Variants in BCL7A observed in about 807,000 individuals in gnomAD.
The protein encoded by BCL7A is B-cell CLL/lymphoma 7 protein family member A.
Under a neutral mutation model 28.4 loss-of-function variants are expected in BCL7A, and 11 were observed. The ratio of observed to expected loss-of-function variants is 0.39; its 90% CI spans 0.24 to 0.64. The LOEUF is 0.64. BCL7A is among the 30% of genes least tolerant of loss of function. BCL7A has a pLI of 0.50. For synonymous variants in BCL7A, 123 were observed against 103.3 expected (o/e 1.19, Z -1.15); for missense variants, 222 against 274.8 (o/e 0.81, Z 1.36).
At position 122,060,346 on chromosome 12, in the gene BCL7A, T is replaced by G. The variant is rs143294306; in HGVS notation, c.*1183T>G. 5.1e-3 allele frequency: 1,192 copies of G among 232,590 alleles called. 15 individuals carry two copies. The highest frequency in any genetic ancestry group is 0.025 in the African/African-American group (1,109 of 45,254). 14.4% of individuals were successfully genotyped at this position (232,590 alleles called of 1,614,324 possible). A position where few individuals can be genotyped will look rare whatever the true frequency, so the allele number is the denominator to read the frequency against. On this transcript the variant is annotated 3_prime_UTR_variant, in exon 6 of 6. Transcript: ENST00000261822. ...CATGCCGTCTGTCCCCACCGGGGAG[T>G]GGGCCTTGATGGCCGGGCCTCGAAG... is the stretch of plus-strand genomic sequence containing the variant.
chr12:122,062,039 C>G lies in BCL7A; in HGVS notation c.*2876C>G, dbSNP rs1357376748. ...ATTTCAGAAAATAAAAATTTCAAATCATGAATACCTTGTGGTTTTGTCTCA... is the reference window on the plus strand; with the variant it reads ...ATTTCAGAAAATAAAAATTTCAAATGATGAATACCTTGTGGTTTTGTCTCA... On this transcript the variant is annotated 3_prime_UTR_variant, in exon 6 of 6. Coordinates refer to ENST00000261822, the MANE Select transcript of BCL7A (RefSeq NM_001024808.3). 2 of 180,652 alleles carry G rather than the reference C, an allele frequency of 1.1e-5. No individual in the cohort carries two copies. The highest frequency in any genetic ancestry group is 2.4e-5 in the Non-Finnish European group (2 of 84,386). The allele number at this position is 180,652 out of a possible 1,614,324, so 11.2% of individuals were successfully genotyped here. A position where few individuals can be genotyped will look rare whatever the true frequency, so the allele number is the denominator to read the frequency against.
intron 1 of BCL7A, among the ~76,000 whole-genome samples, chr12:122,022,649 T>C (rs989951850): frequency 7.0e-6 from 1 of 143,638 alleles, no homozygotes; most frequent in Non-Finnish European, 1.5e-5. Context: ...CGCCGCCGTC[T>C]CCTCCCCGCG....
chr12:122,044,531 T>C lies in BCL7A; in HGVS notation c.439+478T>C, dbSNP rs957359897. Among the ~76,000 whole-genome samples the C allele has an allele frequency of 6.0e-5, 9 of 149,188 alleles. No homozygotes were observed. The East Asian group carries it at 1.8e-3, about 30-fold the overall frequency. ...TCAATAATAAGTAAATAAATAAAAA[T>C]CAAACAATTGGCCAGGCATGGTGGC... On this transcript the variant is annotated intron_variant, in intron 4 of 5. Coordinates refer to ENST00000261822, the MANE Select transcript of BCL7A (RefSeq NM_001024808.3).
intron 1 of BCL7A, among the ~76,000 whole-genome samples, chr12:122,024,418 T>C (rs563503730): frequency 6.6e-6 from 1 of 151,468 alleles, no homozygotes; most frequent in Admixed American, 6.6e-5. Context: ...GTGTTGTCTG[T>C]GTTGTAAGGT....
chr12:122,059,993 C>T lies in BCL7A; in HGVS notation c.*830C>T. The T allele has an allele frequency of 4.3e-6, 1 of 233,552 alleles. No individual in the cohort carries two copies. The highest frequency in any genetic ancestry group is 8.5e-6 in the Non-Finnish European group (1 of 118,050). 14.5% of individuals were successfully genotyped at this position (233,552 alleles called of 1,614,324 possible). On this transcript the variant is annotated 3_prime_UTR_variant, in exon 6 of 6. Transcript: ENST00000261822. This position sits in a 1 kb window ranked among gnomAD's most constrained non-coding sequence, Gnocchi z 4.0. ...TTTTCTGGCACTTCCTCTCTATTGC[C>T]CCCACCACCACCACCCCCATCACTG...
intron 3 of BCL7A, among the ~76,000 whole-genome samples, chr12:122,038,395 G>T (rs1883898199): frequency 7.9e-6 from 1 of 126,742 alleles, no homozygotes; most frequent in African/African-American, 3.2e-5. Flanking sequence ...TCAGGCCACT[G>T]CACTCCAGCC....
chr12:122,054,727 T>C (rs1884272882), intron 4 of BCL7A, 78 bp from the exon 5 acceptor site: 2 of 1,423,854 alleles, frequency 1.4e-6, no homozygotes, highest in Non-Finnish European at 1.9e-6. Flanking sequence ...CGATTCAAGG[T>C]ATTTTCAGTA....
At chr12:122,043,384 G>T (rs12827036) in intron 3 of BCL7A, among the ~76,000 whole-genome samples, 47,153 of 138,816 alleles carry the variant, frequency 0.34, 10,019 homozygotes, top group Non-Finnish European at 0.48. Context: ...TGGACACATG[G>T]GATGGCTGTG....
intron 3 of BCL7A, among the ~76,000 whole-genome samples, chr12:122,038,431 C>CAAAAAAAAAAAAAAAAAA (rs56376395): frequency 6.0e-5 from 2 of 33,554 alleles, no homozygotes; most frequent in East Asian, 1.1e-3. Flanking sequence ...GACTCTGCCT[C>CAAAAAAAAAAAAAAAAAA]AAAAAAAAAA....
intron 3 of BCL7A, among the ~76,000 whole-genome samples, chr12:122,039,838 C>A (rs1883932513): frequency 6.6e-6 from 1 of 151,126 alleles, no homozygotes; most frequent in Non-Finnish European, 1.5e-5. Context: ...GGCGACAGAG[C>A]AAGACTCCAT....
At chr12:122,041,005 G>A (rs939513504) in intron 3 of BCL7A, among the ~76,000 whole-genome samples, 2 of 152,166 alleles carry the variant, frequency 1.3e-5, no homozygotes, top group African/African-American at 4.8e-5. Flanking sequence ...GGGAGAAATC[G>A]GGGAGCACAC....
chr12:122,022,741 C>G (rs1883495727), intron 1 of BCL7A, among the ~76,000 whole-genome samples: 1 of 150,244 alleles, frequency 6.7e-6, no homozygotes, highest in Admixed American at 6.6e-5. Context: ...CCGGCGCCCT[C>G]GAGTCTGCGG....
chr12:122,049,737 G>A (rs1487274309), intron 4 of BCL7A, among the ~76,000 whole-genome samples: 2 of 152,068 alleles, frequency 1.3e-5, no homozygotes, highest in Non-Finnish European at 2.9e-5. Context: ...CCCGTCTTTT[G>A]TTTTGCACAT....
intron 1 of BCL7A, among the ~76,000 whole-genome samples, chr12:122,023,661 A>C (rs1883532417): frequency 6.6e-6 from 1 of 152,136 alleles, no homozygotes; most frequent in African/African-American, 2.4e-5. Flanking sequence ...CAAAGTTGAG[A>C]TCCAAGTCGT....
rs535559850 is a variant in BCL7A, at chr12:122,036,895, T to G, written c.271+1468T>G. ...GCTAATTTTTTTGTATTTTAGTAGA[T>G]ACGAGGTTTCACCATGTTGCCCAGG... is the stretch of plus-strand genomic sequence containing the variant. On this transcript the variant is annotated intron_variant, in intron 3 of 5. Transcript: ENST00000261822. Among the ~76,000 whole-genome samples, 355 of 152,152 alleles carry G rather than the reference T, an allele frequency of 2.3e-3. 3 individuals carry two copies. The highest frequency in any genetic ancestry group is 2.4e-3 in the Non-Finnish European group (166 of 67,968).
At chr12:122,025,946 C>CA (rs1204623444) in intron 1 of BCL7A, among the ~76,000 whole-genome samples, 18,992 of 107,726 alleles carry the variant, frequency 0.18, 1,727 homozygotes, top group East Asian at 0.36. Flanking sequence ...GACTCCATCT[C>CA]AAAAAAAAAA....
Position 122,054,795 on chromosome 12 carries a change from C to G in BCL7A, c.440-10C>G. On this transcript the variant is annotated splice_polypyrimidine_tract_variant and intron_variant, in intron 4 of 5. Transcript: ENST00000261822. ...TGAAAACAGCTCCTGTCGTCTTGCT[C>G]TTCCCTCAGATGCTTCTGATGAGCA... 1 of 1,611,104 alleles carries G rather than the reference C, an allele frequency of 6.2e-7. No individual in the cohort carries two copies. The highest frequency in any genetic ancestry group is 1.1e-5 in the South Asian group (1 of 90,972).
At chr12:122,036,821 C>T (rs569043571) in intron 3 of BCL7A, among the ~76,000 whole-genome samples, 1 of 152,184 alleles carries the variant, frequency 6.6e-6, no homozygotes, top group East Asian at 1.9e-4. Context: ...AATTCTTCTG[C>T]CTCAGCCTCC....
intron 4 of BCL7A, among the ~76,000 whole-genome samples, chr12:122,046,030 T>A (rs1593032324): frequency 9.2e-6 from 1 of 108,934 alleles, no homozygotes; most frequent in Non-Finnish European, 1.7e-5. Flanking sequence ...ATTGCACCAC[T>A]CCAGCCTGGG....
Sources: gnomAD v4.1 joint callset for allele counts (sites outside exome capture counted in the v4.1 genomes callset) on GRCh38, gnomAD v4.1.1 for gene constraint, Gnocchi (gnomAD v3.1) non-coding constraint, MANE v1.5 for transcripts, NCBI Gene and HGNC (gene_info 2026-07-23, HGNC 2026-07-21) for gene names.